Variants in ABHD13 observed in about 807,000 individuals in gnomAD.
ABHD13 encodes the protein abhydrolase domain containing 13.
ABHD13 carries 7 observed loss-of-function variants against 25.2 expected under a neutral mutation model. That is an observed-to-expected ratio of 0.28 (90% CI 0.16 to 0.52). The LOEUF is 0.52. Among genes scored for constraint, ABHD13 ranks in the 20% least tolerant of loss-of-function variants. The pLI, the probability that ABHD13 is intolerant of heterozygous loss-of-function variation, is 0.96. For missense variants in ABHD13, 302 were observed against 402.7 expected (o/e 0.75, Z 2.14); for synonymous variants, 133 against 136.1 (o/e 0.98, Z 0.16).
chr13:108,225,305 C>G (rs956287689), intron 1 of ABHD13, among the ~76,000 whole-genome samples: 1 of 152,028 alleles, frequency 6.6e-6, no homozygotes, highest in Non-Finnish European at 1.5e-5. Flanking sequence ...GAAGAGTAGA[C>G]TTGTAGATTG....
rs1023207981 is a variant in ABHD13 at position 108,229,071 on chromosome 13, T to G, written c.-20-128T>G. ...AGGGAAATTATAGCAGCTACTTTTG[T>G]GGATGGACTGTACCTATTACCATAT... On this transcript the variant is annotated intron_variant, in intron 1 of 1. Transcript: ENST00000375898. This position sits in a 1 kb window ranked among gnomAD's most constrained non-coding sequence, Gnocchi z 4.7. 6.8e-6 allele frequency: 4 copies of G among 589,676 alleles called. No individual in the cohort carries two copies. In the African/African-American group the frequency reaches 7.8e-5, roughly 11 times the overall value. 36.5% of individuals were successfully genotyped at this position (589,676 alleles called of 1,614,324 possible). A position where few individuals can be genotyped will look rare whatever the true frequency, so the allele number is the denominator to read the frequency against.
intron 1 of ABHD13, among the ~76,000 whole-genome samples, chr13:108,226,333 C>G (rs1013245634): frequency 2.6e-5 from 4 of 152,142 alleles, no homozygotes; most frequent in Admixed American, 1.3e-4. Flanking sequence ...CAGGACTAAG[C>G]AAATGACAAG....
Position 108,232,021 on chromosome 13 carries a change from A to G in ABHD13, c.*1789A>G, listed in dbSNP as rs1277356057. The G allele has an allele frequency of 6.0e-5, 10 of 166,770 alleles. No individual in the cohort carries two copies. Among genetic ancestry groups the G allele is most frequent in the African/African-American group, 2.4e-4 (10 of 41,410 alleles). The allele number at this position is 166,770 out of a possible 1,614,324, so 10.3% of individuals were successfully genotyped here. On this transcript the variant is annotated 3_prime_UTR_variant, in exon 2 of 2. Transcript: ENST00000375898. ...TGTAGAATGACTATTCTAAATATTA[A>G]TGTATTAAAAAGAAAATACAACAAA... is the stretch of plus-strand genomic sequence containing the variant.
intron 1 of ABHD13, among the ~76,000 whole-genome samples, chr13:108,227,293 C>T (rs970946825): frequency 1.5e-4 from 22 of 151,582 alleles, no homozygotes; most frequent in African/African-American, 4.4e-4. Context: ...TTGAATAATT[C>T]GTATATGTAA....
intron 1 of ABHD13, among the ~76,000 whole-genome samples, chr13:108,228,629 T>C (rs1434471742): frequency 6.6e-6 from 1 of 151,848 alleles, no homozygotes; most frequent in Non-Finnish European, 1.5e-5. Context: ...CCCAACTCCT[T>C]ACCCTAGTTT....
At chr13:108,220,341 G>T (rs952157263) in intron 1 of ABHD13, among the ~76,000 whole-genome samples, 1 of 152,204 alleles carries the variant, frequency 6.6e-6, no homozygotes, top group Non-Finnish European at 1.5e-5. Flanking sequence ...TAACCAAATT[G>T]CCCTGGGCTA....
At chr13:108,221,009 A>G (rs1262153039) in intron 1 of ABHD13, among the ~76,000 whole-genome samples, 1 of 152,230 alleles carries the variant, frequency 6.6e-6, no homozygotes, top group African/African-American at 2.4e-5. Context: ...CCATAGTAAC[A>G]ATAATCTCTC....
Sources: gnomAD v4.1 joint callset for allele counts (sites outside exome capture counted in the v4.1 genomes callset) on GRCh38, gnomAD v4.1.1 for gene constraint, Gnocchi (gnomAD v3.1) non-coding constraint, MANE v1.5 for transcripts, NCBI Gene and HGNC (gene_info 2026-07-23, HGNC 2026-07-21) for gene names.